PDK1: variants seen among roughly 807,000 people sequenced by gnomAD.
The protein encoded by PDK1 is [Pyruvate dehydrogenase (acetyl-transferring)] kinase isozyme 1, mitochondrial.
In PDK1, 39 loss-of-function variants were observed where a neutral mutation model predicts 54.2. The observed-to-expected ratio is 0.72, with a 90% CI of 0.56 to 0.94. The LOEUF is 0.94. Among genes scored for constraint, PDK1 ranks in the 40% least tolerant of loss-of-function variants. PDK1 has a pLI of 0.00. For synonymous variants in PDK1, 221 were observed against 207.1 expected (o/e 1.07, Z -0.58); for missense variants, 552 against 566.0 (o/e 0.98, Z 0.25).
rs577073224 is a variant in PDK1 at position 172,588,005 on chromosome 2, G to A, written c.1056+1617G>A. Among the ~76,000 whole-genome samples the A allele has an allele frequency of 5.3e-5, 8 of 152,270 alleles. No homozygotes were observed. In the South Asian group the frequency reaches 6.2e-4, roughly 12 times the overall value. Reference sequence around the variant, plus strand: ...AGAAAAGTTCTCCAAGTCCCCACCCGACCCAGAAGCCCAGTCCAGCTGGTT... The same window carrying A: ...AGAAAAGTTCTCCAAGTCCCCACCCAACCCAGAAGCCCAGTCCAGCTGGTT... On this transcript the variant is annotated intron_variant, in intron 9 of 10. Transcript: ENST00000282077.
At chr2:172,617,631 C>T in the PDK1 span, among the ~76,000 whole-genome samples, 3 of 152,042 alleles carry the variant, frequency 2.0e-5, no homozygotes, top group South Asian at 4.2e-4. Flanking sequence ...TGGCATTAAC[C>T]TATCCATGAG....
the PDK1 span, among the ~76,000 whole-genome samples, chr2:172,699,478 C>CTTTTTTTTT: frequency 7.7e-6 from 1 of 130,236 alleles, no homozygotes; most frequent in Admixed American, 7.6e-5. Context: ...CCTCATCTGA[C>CTTTTTTTTT]TTTTTTTTTT....
At chr2:172,719,363 A>G in the PDK1 span, among the ~76,000 whole-genome samples, 2 of 152,120 alleles carry the variant, frequency 1.3e-5, no homozygotes, top group Admixed American at 6.5e-5. Context: ...CTGTATGTTT[A>G]GCTTTATTAA....
chr2:172,701,595 CTG>C, the PDK1 span, among the ~76,000 whole-genome samples: 1 of 146,990 alleles, frequency 6.8e-6, no homozygotes, highest in African/African-American at 2.5e-5. Flanking sequence ...TTTTCAGAGT[CTG>C]TGAGTCCAAA....
At chr2:172,694,422 G>T in the PDK1 span, among the ~76,000 whole-genome samples, 1 of 152,150 alleles carries the variant, frequency 6.6e-6, no homozygotes, top group African/African-American at 2.4e-5. Flanking sequence ...ATTCAACATC[G>T]TTTCATTATA....
intron 9 of PDK1, among the ~76,000 whole-genome samples, chr2:172,591,571 A>G (rs536550344): frequency 2.0e-5 from 3 of 152,336 alleles, no homozygotes; most frequent in South Asian, 4.1e-4. Flanking sequence ...TGAAGTAGAT[A>G]AACTGGCTGT....
chr2:172,619,360 A>G, the PDK1 span, among the ~76,000 whole-genome samples: 1 of 152,158 alleles, frequency 6.6e-6, no homozygotes, highest in Non-Finnish European at 1.5e-5. Flanking sequence ...CATAGTCTGA[A>G]CAAATTTCCA....
chr2:172,663,800 A>C, the PDK1 span, among the ~76,000 whole-genome samples: 2 of 152,054 alleles, frequency 1.3e-5, no homozygotes, highest in Admixed American at 6.6e-5. Flanking sequence ...TAACCCAATA[A>C]AACCCTGTCT....
At chr2:172,647,947 G>A in the PDK1 span, among the ~76,000 whole-genome samples, 76 of 152,240 alleles carry the variant, frequency 5.0e-4, no homozygotes, top group African/African-American at 1.6e-3. Context: ...TGTAATATTC[G>A]TGCCAGAAAT....
chr2:172,700,142 C>T, the PDK1 span, among the ~76,000 whole-genome samples: 13 of 152,186 alleles, frequency 8.5e-5, no homozygotes, highest in Non-Finnish European at 1.8e-4. Flanking sequence ...AATGGAGTCT[C>T]CTATGTCTAC....
chr2:172,668,519 T>C, the PDK1 span, among the ~76,000 whole-genome samples: 1 of 151,576 alleles, frequency 6.6e-6, no homozygotes, highest in Non-Finnish European at 1.5e-5. Flanking sequence ...TGCTTAGCTA[T>C]GGATAGGAGC....
At chr2:172,662,644 A>G in the PDK1 span, among the ~76,000 whole-genome samples, 1 of 152,134 alleles carries the variant, frequency 6.6e-6, no homozygotes. Context: ...ATCATTCCCA[A>G]TTTGTGGCAA....
At chr2:172,629,228 C>A in the PDK1 span, among the ~76,000 whole-genome samples, 3 of 152,118 alleles carry the variant, frequency 2.0e-5, no homozygotes, top group Middle Eastern at 3.2e-3. Context: ...CCAGCGAGGG[C>A]CACACCCTCA....
At chr2:172,577,654 C>G (rs1689651093) in intron 8 of PDK1, among the ~76,000 whole-genome samples, 1 of 152,040 alleles carries the variant, frequency 6.6e-6, no homozygotes, top group African/African-American at 2.4e-5. Context: ...AATTTATAAT[C>G]TAGTTCAGAT....
chr2:172,621,944 A>G, the PDK1 span, among the ~76,000 whole-genome samples: 1 of 149,316 alleles, frequency 6.7e-6, no homozygotes, highest in South Asian at 2.1e-4. Flanking sequence ...TATCTCATAT[A>G]TGTGGTATAT....
At chr2:172,700,875 C>T in the PDK1 span, among the ~76,000 whole-genome samples, 6 of 152,186 alleles carry the variant, frequency 3.9e-5, no homozygotes, top group African/African-American at 1.2e-4. Context: ...TGGCGGCGCA[C>T]GCCTGCAATC....
At chr2:172,682,565 C>T in the PDK1 span, among the ~76,000 whole-genome samples, 1 of 152,202 alleles carries the variant, frequency 6.6e-6, no homozygotes, top group Non-Finnish European at 1.5e-5. Context: ...CCTCTGCATG[C>T]AGGTGTGGTC....
chr2:172,659,014 T>G, the PDK1 span, among the ~76,000 whole-genome samples: 2 of 152,212 alleles, frequency 1.3e-5, no homozygotes, highest in Non-Finnish European at 2.9e-5. Context: ...GTTCTCCTTT[T>G]TGCCCTATGA....
the PDK1 span, among the ~76,000 whole-genome samples, chr2:172,617,700 T>C: frequency 3.9e-5 from 6 of 152,158 alleles, no homozygotes; most frequent in Non-Finnish European, 5.9e-5. Flanking sequence ...TGCTGTTGCA[T>C]TGGGGATTAA....
Sources: gnomAD v4.1 joint callset for allele counts (sites outside exome capture counted in the v4.1 genomes callset) on GRCh38, gnomAD v4.1.1 for gene constraint, MANE v1.5 for transcripts, NCBI Gene and HGNC (gene_info 2026-07-23, HGNC 2026-07-21) for gene names.